The following MTCL1 variants were observed in gnomAD, a reference collection of about 807,000 sequenced individuals.
The protein encoded by MTCL1 is microtubule crosslinking factor 1.
MTCL1 carries 79 observed loss-of-function variants against 141.4 expected under a neutral mutation model. The observed-to-expected ratio is 0.56, with a 90% CI of 0.47 to 0.67. The LOEUF is 0.67. MTCL1 is among the 30% of genes least tolerant of loss of function. The pLI is 0.00. For missense variants in MTCL1, 2,177 were observed against 2,113.9 expected (o/e 1.03, Z -0.59); for synonymous variants, 914 against 875.8 (o/e 1.04, Z -0.77).
exon 7 of MTCL1, chr18:8,786,030 G>A (rs200755675): frequency 3.6e-4 from 581 of 1,606,490 alleles, no homozygotes; most frequent in Admixed American, 8.9e-4. Flanking sequence ...GAGCTGCACC[G>A]CCGCGCAGAC....
intron 4 of MTCL1, among the ~76,000 whole-genome samples, chr18:8,761,488 A>G (rs2096432292): frequency 6.6e-6 from 1 of 152,170 alleles, no homozygotes; most frequent in Non-Finnish European, 1.5e-5. Flanking sequence ...ATTAAACAAT[A>G]ATCCCTCACT....
At chr18:8,804,833 A>C (rs1407930359) in intron 10 of MTCL1, among the ~76,000 whole-genome samples, 1 of 152,120 alleles carries the variant, frequency 6.6e-6, no homozygotes, top group Non-Finnish European at 1.5e-5. Context: ...TCTACAAAAA[A>C]TACAAAAATT....
Position 8,779,311 on chromosome 18 carries a change from A to G in MTCL1, c.417+1419A>G, listed in dbSNP as rs1467445788. Among the ~76,000 whole-genome samples the G allele has an allele frequency of 1.3e-5, 2 of 152,084 alleles. No homozygotes were observed. Among genetic ancestry groups the G allele is most frequent in the East Asian group, 3.9e-4 (2 of 5,186 alleles). ...CAACAGGAATCGTGTGTCATATGGA[A>G]AGTTGGACTTGACCTACTTTCATAC... On this transcript the variant is annotated intron_variant, in intron 5 of 16. Transcript: ENST00000359865. The surrounding 1 kb of genome is among the most constrained non-coding windows in gnomAD (Gnocchi z 4.1).
chr18:8,771,062 CG>C (rs1598581634), intron 4 of MTCL1, among the ~76,000 whole-genome samples: 1 of 152,110 alleles, frequency 6.6e-6, no homozygotes, highest in East Asian at 1.9e-4. Context: ...ACATAGTGCC[CG>C]TGGCTGAACG....
At chr18:8,759,487 C>T (rs1396452320) in intron 4 of MTCL1, among the ~76,000 whole-genome samples, 2 of 152,174 alleles carry the variant, frequency 1.3e-5, no homozygotes, top group Non-Finnish European at 2.9e-5. Flanking sequence ...TAATCCTTTC[C>T]CGCTGTGCTT....
At chr18:8,788,844 A>AAAAC (rs997453827) in intron 7 of MTCL1, among the ~76,000 whole-genome samples, 3 of 152,328 alleles carry the variant, frequency 2.0e-5, no homozygotes, top group Admixed American at 6.5e-5. Flanking sequence ...CTGCTAAAAA[A>AAAAC]ACACTTCAGG....
intron 4 of MTCL1, among the ~76,000 whole-genome samples, chr18:8,736,830 C>T (rs1021697879): frequency 9.2e-5 from 14 of 151,844 alleles, no homozygotes; most frequent in Admixed American, 3.3e-4. Flanking sequence ...TTAGTAGAGA[C>T]GGGGTTTCAC....
chr18:8,831,433 T>C (rs921187900), intron 16 of MTCL1, 174 bp from the exon 15 acceptor site: 18 of 1,426,090 alleles, frequency 1.3e-5, no homozygotes, highest in Non-Finnish European at 1.6e-5. Flanking sequence ...TTGTGTTGAA[T>C]TCTTTATTAT....
chr18:8,780,412 C>A (rs1257467682), intron 5 of MTCL1, among the ~76,000 whole-genome samples: 2 of 152,264 alleles, frequency 1.3e-5, no homozygotes, highest in Non-Finnish European at 2.9e-5. Context: ...CTGCCCCCAC[C>A]TTGTCCAGCC....
intron 9 of MTCL1, among the ~76,000 whole-genome samples, chr18:8,797,565 C>G (rs28557016): frequency 0.8 from 122,178 of 151,912 alleles, 49,524 homozygotes; most frequent in Middle Eastern, 0.9. Context: ...ATTGTGAATA[C>G]TTGGTTTCTT....
At chr18:8,785,880 T>C in intron 6 of MTCL1, 56 bp from the exon 6 acceptor site, 1 of 1,521,936 alleles carries the variant, frequency 6.6e-7, no homozygotes. Flanking sequence ...TTGTTTGTTT[T>C]TTTGTTTAAA....
At chr18:8,720,954 A>T (rs2096167423) in intron 4 of MTCL1, among the ~76,000 whole-genome samples, 4 of 150,944 alleles carry the variant, frequency 2.6e-5, no homozygotes, top group African/African-American at 9.6e-5. Flanking sequence ...AAAGTATGTT[A>T]TGGTTGTCTG....
chr18:8,803,595 G>T (rs1173931530), intron 10 of MTCL1, among the ~76,000 whole-genome samples: 1 of 152,180 alleles, frequency 6.6e-6, no homozygotes, highest in Non-Finnish European at 1.5e-5. Context: ...AGCTTGCCTG[G>T]CTTCCTGCTG....
intron 4 of MTCL1, among the ~76,000 whole-genome samples, chr18:8,726,603 A>T (rs924147147): frequency 2.6e-5 from 4 of 151,920 alleles, no homozygotes; most frequent in Non-Finnish European, 4.4e-5. Context: ...TAACCCCATC[A>T]TGGGGCCAAG....
intron 4 of MTCL1, among the ~76,000 whole-genome samples, chr18:8,742,972 C>T (rs1405353102): frequency 6.6e-6 from 1 of 152,164 alleles, no homozygotes; most frequent in Non-Finnish European, 1.5e-5. Flanking sequence ...GAAGTTATTA[C>T]TGTTGCTTTT....
intron 7 of MTCL1, chr18:8,789,494 G>A: frequency 1.0e-6 from 1 of 985,458 alleles, no homozygotes; most frequent in Non-Finnish European, 1.2e-6. Context: ...TAATTTGTAA[G>A]CCACTTTCTC....
exon 6 of MTCL1, chr18:8,784,125 T>G: frequency 6.2e-7 from 1 of 1,613,556 alleles, no homozygotes; most frequent in South Asian, 1.1e-5. Flanking sequence ...CAGGAGGAGC[T>G]GAAGTCAGCC....
exon 15 of MTCL1, chr18:8,825,569 C>T (rs751030645): frequency 3.1e-6 from 5 of 1,612,842 alleles, no homozygotes; most frequent in East Asian, 2.2e-5. Context: ...AGGCTGGGGG[C>T]GGTGCTACAC....
chr18:8,800,356 G>A (rs1314371915), intron 10 of MTCL1: 1 of 152,186 alleles, frequency 6.6e-6, no homozygotes, highest in East Asian at 1.9e-4. Context: ...TATTCCTCAG[G>A]CCTTGGTCTT....
Sources: allele counts gnomAD v4.1 joint callset (sites outside exome capture counted in the v4.1 genomes callset), GRCh38; gene constraint gnomAD v4.1.1; non-coding constraint Gnocchi (gnomAD v3.1); transcripts MANE v1.5; gene names NCBI Gene and HGNC (gene_info 2026-07-23, HGNC 2026-07-21).